Variants in HIP1 observed in about 807,000 individuals in gnomAD.
HIP1 encodes the protein huntingtin-interacting protein 1.
HIP1 carries 65 observed loss-of-function variants against 147.6 expected under a neutral mutation model. That is an observed-to-expected ratio of 0.44 (90% confidence interval 0.36 to 0.54). The LOEUF (loss-of-function observed/expected upper bound fraction) is 0.54. Among genes scored for constraint, HIP1 ranks in the 20% least tolerant of loss-of-function variants. The probability of loss-of-function intolerance (pLI) is 0.00; values close to 1 mark genes in which losing one functional copy is unlikely to be tolerated. For synonymous variants in HIP1, 479 were observed against 504.0 expected, an observed-to-expected ratio of 0.95 and a Z score of 0.67; for missense variants, 1,061 against 1,299.6, an observed-to-expected ratio of 0.82 and a Z score of 2.82.
intron 5 of HIP1, among the ~76,000 whole-genome samples, chr7:75,585,405 A>G (rs1796222042): frequency 6.6e-6 from 1 of 151,748 alleles, no homozygotes; most frequent in Non-Finnish European, 1.5e-5. Context: ...TGAACTCCAG[A>G]CCTCAGACGA....
intron 1 of HIP1, among the ~76,000 whole-genome samples, chr7:75,704,117 C>T (rs1187913750): frequency 6.6e-6 from 1 of 152,216 alleles, no homozygotes; most frequent in African/African-American, 2.4e-5. Context: ...AAGACACATG[C>T]AGGACCCCAC....
In HIP1 at chr7:75,557,697, A is replaced by G. The variant is rs1554493700; in HGVS notation, c.1538T>C (p.Leu513Pro). The change falls in exon 16 of 31, where the codon CTG becomes CCG. Residue 513 changes from leucine (L) to proline (P), a missense_variant. Physicochemically the swap from Leu to Pro is moderately conservative, Grantham distance 98. Coordinates refer to ENST00000336926, the MANE Select transcript of HIP1 (RefSeq NM_005338.7). Reference protein sequence around the residue: ...QVDLEREKKELEDSLERISDQ... With the variant: ...QVDLEREKKEPEDSLERISDQ... ...ACTGATGCGCTCCAACGAATCCTCC[A>G]GCTCTTTTTTCTCTCGTTCCAAATC... 6.2e-7 allele frequency: 1 copy of G among 1,613,928 alleles called. No individual in the cohort carries two copies. Among genetic ancestry groups the G allele is most frequent in the Non-Finnish European group, 8.5e-7 (1 of 1,179,976 alleles).
chr7:75,559,735 C>G lies in HIP1; in HGVS notation c.1372G>C (p.Glu458Gln). ...CCCGCCCCCACCCACCGCTCACTTT[C>G]TATCTCAGACAGGCTCCGCTGAGCC... ...EKAQRSLSEIERKAQANEQRY... is the reference protein window; with the variant it reads ...EKAQRSLSEIQRKAQANEQRY... The change falls in exon 14 of 31, where the codon GAA becomes CAA. Residue 458 changes from glutamate (E) to glutamine (Q), a missense_variant. Transcript: ENST00000336926. 1.6e-6 allele frequency: 1 copy of G among 618,534 alleles called. No homozygotes were observed. The highest frequency in any genetic ancestry group is 2.7e-6 in the Non-Finnish European group (1 of 376,110). 38.3% of individuals were successfully genotyped at this position (618,534 alleles called of 1,614,324 possible). A position where few individuals can be genotyped will look rare whatever the true frequency, so the allele number is the denominator to read the frequency against.
chr7:75,543,899 G>A (rs1374584135), intron 27 of HIP1, among the ~76,000 whole-genome samples: 3 of 152,158 alleles, frequency 2.0e-5, no homozygotes, highest in African/African-American at 7.2e-5. Context: ...AAGGCCAGGT[G>A]TGGTGGCTCA....
Position 75,537,396 on chromosome 7 carries a change from C to T in HIP1, c.*776G>A, listed in dbSNP as rs587705082. ...GGCCAGCACTTGGTCAGTGTGGAGG[C>T]GGAGATGGAGCACCGAGAGGCCTGG... is the stretch of plus-strand genomic sequence containing the variant. On this transcript the variant is annotated 3_prime_UTR_variant, in exon 31 of 31. Coordinates refer to ENST00000336926, the MANE Select transcript of HIP1 (RefSeq NM_005338.7). 6 of 232,708 alleles carry T rather than the reference C, an allele frequency of 2.6e-5. No homozygotes were observed. Among genetic ancestry groups the T allele is most frequent in the East Asian group, 6.1e-5 (1 of 16,482 alleles). 14.4% of individuals were successfully genotyped at this position (232,708 alleles called of 1,614,324 possible). A position where few individuals can be genotyped will look rare whatever the true frequency, so the allele number is the denominator to read the frequency against.
Position 75,549,005 on chromosome 7 carries a change from T to C in HIP1, c.2296-4A>G. The C allele has an allele frequency of 6.2e-7, 1 of 1,602,704 alleles. No individual in the cohort carries two copies. Among genetic ancestry groups the C allele is most frequent in the Non-Finnish European group, 8.6e-7 (1 of 1,169,546 alleles). The stretch of plus-strand genomic sequence containing the variant: ...CCAGTCCCCTGGGCAGGAGCTCCTG[T>C]GAACACATCACAAAGGCTGAACTGA... On this transcript the variant is annotated splice_region_variant and splice_polypyrimidine_tract_variant and intron_variant, in intron 22 of 30. Transcript: ENST00000336926.
chr7:75,556,850 G>T, intron 16 of HIP1, 39 bp from the exon 17 acceptor site: 1 of 1,196,592 alleles, frequency 8.4e-7, no homozygotes, highest in Non-Finnish European at 1.2e-6. Flanking sequence ...TGATCTGGGT[G>T]ACAGTGACAA....
rs1584947459 is a variant in HIP1, at chr7:75,682,364, C to T, written c.120+56437G>A. Among the ~76,000 whole-genome samples, 3 of 151,938 alleles carry T rather than the reference C, an allele frequency of 2.0e-5. No individual in the cohort carries two copies. The East Asian group carries it at 5.8e-4, about 29-fold the overall frequency. On this transcript the variant is annotated intron_variant, in intron 1 of 30. Coordinates refer to ENST00000336926, the MANE Select transcript of HIP1 (RefSeq NM_005338.7). ...CTCGAACTCCTGGGCTCAAGCGATC[C>T]TCCCGCCTCAGCCTCCTCAGTAGCT... is the stretch of plus-strand genomic sequence containing the variant.
intron 4 of HIP1, among the ~76,000 whole-genome samples, chr7:75,589,711 AAAAAG>A (rs1796420582): frequency 1.8e-5 from 2 of 112,728 alleles, no homozygotes; most frequent in Non-Finnish European, 1.7e-5. Context: ...AAAAAAAAAA[AAAAAG>A]ACTTTTTTTT....
At chr7:75,629,693 C>T (rs1241106608) in intron 1 of HIP1, among the ~76,000 whole-genome samples, 2 of 152,228 alleles carry the variant, frequency 1.3e-5, no homozygotes, top group South Asian at 4.1e-4. Flanking sequence ...CAGGCGTGAG[C>T]CACCACGCCC....
intron 2 of HIP1, among the ~76,000 whole-genome samples, chr7:75,598,413 A>AC (rs1307974166): frequency 2.7e-5 from 4 of 148,604 alleles, no homozygotes; most frequent in Non-Finnish European, 6.0e-5. Flanking sequence ...GAAAAAAAAA[A>AC]AAAACTCTCT....
In HIP1 at chr7:75,536,429, A is replaced by C; in HGVS notation, c.*1743T>G. 4.4e-6 allele frequency: 1 copy of C among 228,462 alleles called. No individual in the cohort carries two copies. The highest frequency in any genetic ancestry group is 8.7e-6 in the Non-Finnish European group (1 of 114,964). The allele number at this position is 228,462 out of a possible 1,614,324, so 14.2% of individuals were successfully genotyped here. On this transcript the variant is annotated 3_prime_UTR_variant, in exon 31 of 31. Transcript: ENST00000336926. ...AACCCGTCATGTAGCAAAACCTAGC[A>C]ATATTCTGTTGGAGCAGATCCTGGG...
intron 1 of HIP1, among the ~76,000 whole-genome samples, chr7:75,696,522 CTCCCTTCCCCTCCCCTCCCT>C (rs1445987247): frequency 2.7e-5 from 3 of 111,942 alleles, no homozygotes; most frequent in Admixed American, 1.8e-4. Context: ...CTCCCCTCCC[CTCCCTTCCCCTCCCCTCCCT>C]TCCCTTCCCC....
chr7:75,549,544 T>A (rs1465299538), intron 22 of HIP1, among the ~76,000 whole-genome samples: 2 of 151,832 alleles, frequency 1.3e-5, no homozygotes, highest in Non-Finnish European at 2.9e-5. Flanking sequence ...CTAATTTTTA[T>A]ATTTTTAGTA....
chr7:75,699,493 G>A (rs1482743464), intron 1 of HIP1, among the ~76,000 whole-genome samples: 10 of 152,158 alleles, frequency 6.6e-5, no homozygotes, highest in Non-Finnish European at 1.0e-4. Flanking sequence ...GATAGAAAAC[G>A]GGGATGGTGA....
rs781843418 is a variant in HIP1, at chr7:75,704,307, G to A, written c.120+34494C>T. 2.6e-5 allele frequency among the ~76,000 whole-genome samples: 4 copies of A among 151,992 alleles called. No individual in the cohort carries two copies. In the South Asian group the frequency reaches 8.3e-4, roughly 32 times the overall value. On this transcript the variant is annotated intron_variant, in intron 1 of 30. Transcript: ENST00000336926. ...GTTGCCCAGGCTGGAGTGCAATGGC[G>A]TGATCACGGTTCACTGCAACCTCCG...
At chr7:75,670,388 C>T (rs1799697456) in intron 1 of HIP1, among the ~76,000 whole-genome samples, 1 of 73,410 alleles carries the variant, frequency 1.4e-5, no homozygotes, top group Non-Finnish European at 2.7e-5. Context: ...AACTCCTGAG[C>T]TCATGCTATA....
chr7:75,723,562 C>T (rs1027576543), intron 1 of HIP1, among the ~76,000 whole-genome samples: 7 of 147,160 alleles, frequency 4.8e-5, no homozygotes, highest in Non-Finnish European at 1.1e-4. Flanking sequence ...GTGCCAGGCC[C>T]GAGGTCCCCG....
intron 1 of HIP1, among the ~76,000 whole-genome samples, chr7:75,614,927 C>G (rs1584882793): frequency 6.6e-6 from 1 of 152,060 alleles, no homozygotes; most frequent in Admixed American, 6.6e-5. Flanking sequence ...CACCCACCAC[C>G]CCGCCTGGCT....
Sources: gnomAD v4.1 joint callset for allele counts (sites outside exome capture counted in the v4.1 genomes callset) on GRCh38, gnomAD v4.1.1 for gene constraint, MANE v1.5 for transcripts, NCBI Gene and HGNC (gene_info 2026-07-23, HGNC 2026-07-21) for gene names.